Variants in SEC14L1 observed in about 807,000 individuals in gnomAD.
SEC14L1 encodes SEC14-like protein 1.
A neutral mutation model predicts 85.3 loss-of-function variants in SEC14L1; 48 were observed. That is an observed-to-expected ratio of 0.56 (90% CI 0.45 to 0.72). The LOEUF is 0.72. SEC14L1 is among the 30% of genes least tolerant of loss of function. The probability of loss-of-function intolerance (pLI) is 0.00; values close to 1 mark genes in which losing one functional copy is unlikely to be tolerated. For synonymous variants in SEC14L1, 391 were observed against 355.5 expected (o/e 1.10, Z -1.12); for missense variants, 682 against 921.4 (o/e 0.74, Z 3.36).
At position 77,194,816 on chromosome 17, in the gene SEC14L1, C is replaced by A. The variant is rs775566630; in HGVS notation, c.614C>A (p.Ala205Asp). 1.2e-6 allele frequency: 2 copies of A among 1,614,100 alleles called. No individual in the cohort carries two copies. The highest frequency in any genetic ancestry group is 1.7e-6 in the Non-Finnish European group (2 of 1,180,042). The change falls in exon 7 of 17, where the codon GCC becomes GAC. Residue 205 changes from alanine (A) to aspartate (D), a missense_variant. By Grantham distance (126) the Ala-to-Asp change is moderately radical. This residue lies in a region of SEC14L1 where 123 missense variants were observed against 100.6 expected (regional missense o/e 1.22). Coordinates refer to ENST00000436233, the MANE Select transcript of SEC14L1 (RefSeq NM_001143998.2). ...TCCAAGAAACAAGCAGCGTCCATGG[C>A]CGTCGTCATCCCAGAAGCTGCCCTC... ...SSSKKQAASM[A>D]VVIPEAALKE... is the part of the protein sequence containing the mutation.
At chr17:77,145,401 C>T (rs1355958867) in intron 3 of SEC14L1, among the ~76,000 whole-genome samples, 2 of 152,096 alleles carry the variant, frequency 1.3e-5, no homozygotes, top group Admixed American at 6.5e-5. Flanking sequence ...TTGAATCCAT[C>T]CCCCTGGTGA....
rs1450243922 is a variant in SEC14L1, at chr17:77,212,041, A to G, written c.1703A>G (p.Lys568Arg). The G allele has an allele frequency of 3.7e-6, 6 of 1,614,156 alleles. No individual in the cohort carries two copies. The highest frequency in any genetic ancestry group is 2.7e-5 in the African/African-American group (2 of 75,040). ...GDIVFNIYHSKRSPQPPKKDS... is the reference protein window; with the variant it reads ...GDIVFNIYHSRRSPQPPKKDS... Reference sequence around the variant, plus strand: ...ATTGTGTTTAACATCTATCACTCCAAGAGGTCGCCACAACCACCCAAAAAG... The same window carrying G: ...ATTGTGTTTAACATCTATCACTCCAGGAGGTCGCCACAACCACCCAAAAAG... The change falls in exon 15 of 17, where the codon AAG becomes AGG. Residue 568 changes from lysine to arginine, a missense_variant. Coordinates refer to ENST00000436233, the MANE Select transcript of SEC14L1 (RefSeq NM_001143998.2).
upstream of SEC14L1, among the ~76,000 whole-genome samples, chr17:77,139,397 C>T (rs1456225418): frequency 6.6e-6 from 1 of 152,028 alleles, no homozygotes; most frequent in African/African-American, 2.4e-5. Context: ...GTCTCAAACT[C>T]CTGACCTCAG....
intron 3 of SEC14L1, among the ~76,000 whole-genome samples, chr17:77,108,482 A>C (rs1386765134): frequency 6.6e-6 from 1 of 152,142 alleles, no homozygotes; most frequent in Non-Finnish European, 1.5e-5. Flanking sequence ...TCACGCCTGT[A>C]ATCCCAGCAC....
intron 3 of SEC14L1, among the ~76,000 whole-genome samples, chr17:77,134,251 CTT>C (rs35681333): frequency 1.5e-4 from 21 of 142,250 alleles, no homozygotes; most frequent in East Asian, 2.1e-4. Context: ...CACACACACA[CTT>C]TTTTTTTTTT....
chr17:77,213,231 TC>T lies in SEC14L1; in HGVS notation c.1864-79del. ...TAGCTACATGAAATCCTAAAGACAG[TC>T]CCCTTGGCGCTTGTCAGGCCTGTGG... On this transcript the variant is annotated intron_variant, in intron 15 of 16. Transcript: ENST00000436233. This position sits in a 1 kb window ranked among gnomAD's most constrained non-coding sequence, Gnocchi z 7.1. 8.5e-7 allele frequency: 1 copy of T among 1,171,200 alleles called. No homozygotes were observed. The highest frequency in any genetic ancestry group is 1.5e-5 in the South Asian group (1 of 66,228). The allele number at this position is 1,171,200 out of a possible 1,614,324, so 72.6% of individuals were successfully genotyped here. A position where few individuals can be genotyped will look rare whatever the true frequency, so the allele number is the denominator to read the frequency against.
chr17:77,090,506 A>T (rs947403641), intron 2 of SEC14L1, among the ~76,000 whole-genome samples: 3 of 48,478 alleles, frequency 6.2e-5, no homozygotes, highest in Non-Finnish European at 7.3e-5. Context: ...TTTAATTATT[A>T]AAAAAAAAAA....
Position 77,104,148 on chromosome 17 carries a change from T to C in SEC14L1, c.-136+10801T>C, listed in dbSNP as rs183862435. Among the ~76,000 whole-genome samples the C allele has an allele frequency of 7.5e-3, 1,055 of 141,006 alleles. 15 individuals carry two copies. Among genetic ancestry groups the C allele is most frequent in the African/African-American group, 0.027 (1,003 of 37,368 alleles). 92.5% of individuals were successfully genotyped at this position (141,006 alleles called of 152,430 possible). ...TTTTTTTTTTTTTTTTGAGACAGAG[T>C]CTCCTCTGTCACCCAGGCTAGAGTG... On this transcript the variant is annotated intron_variant, in intron 3 of 19. Transcript: ENST00000392476.
chr17:77,128,841 T>C (rs1304793801), intron 3 of SEC14L1, among the ~76,000 whole-genome samples: 1 of 152,044 alleles, frequency 6.6e-6, no homozygotes, highest in Non-Finnish European at 1.5e-5. Context: ...GATGACCATC[T>C]CCCCATGCAC....
At position 77,215,475 on chromosome 17, in the gene SEC14L1, T is replaced by C; in HGVS notation, c.*1452T>C. ...TCAGCTCCGCTCTGAAGGCACTGTG[T>C]GGGTGCTGCGTGACTGGAGAGCTGT... On this transcript the variant is annotated 3_prime_UTR_variant, in exon 17 of 17. Transcript: ENST00000436233. 4.1e-6 allele frequency: 4 copies of C among 985,640 alleles called. No homozygotes were observed. The highest frequency in any genetic ancestry group is 4.8e-6 in the Non-Finnish European group (4 of 830,124). The allele number at this position is 985,640 out of a possible 1,614,324, so 61.1% of individuals were successfully genotyped here. A position where few individuals can be genotyped will look rare whatever the true frequency, so the allele number is the denominator to read the frequency against.
intron 3 of SEC14L1, among the ~76,000 whole-genome samples, chr17:77,111,512 G>C (rs991329592): frequency 6.6e-6 from 1 of 152,030 alleles, no homozygotes; most frequent in Non-Finnish European, 1.5e-5. Context: ...CGGGAGGGGG[G>C]CTGAACCCCA....
intron 3 of SEC14L1, among the ~76,000 whole-genome samples, chr17:77,135,895 CA>C (rs1286997239): frequency 3.3e-5 from 5 of 150,610 alleles, no homozygotes; most frequent in African/African-American, 2.5e-5. Context: ...TTTTTTGAAA[CA>C]GAGTTTCGCT....
rs565726658 is a variant in SEC14L1 at position 77,214,281 on chromosome 17, C to G, written c.*258C>G. Reference sequence around the variant, plus strand: ...AATCCAACCAGAGCGCAAGGGCTCTCTTGAAAGAAAAGTAGTTTCTGTACC... The same window carrying G: ...AATCCAACCAGAGCGCAAGGGCTCTGTTGAAAGAAAAGTAGTTTCTGTACC... On this transcript the variant is annotated 3_prime_UTR_variant, in exon 17 of 17. Transcript: ENST00000436233. 1.4e-5 allele frequency: 18 copies of G among 1,269,420 alleles called. No individual in the cohort carries two copies. The highest frequency in any genetic ancestry group is 1.7e-5 in the Non-Finnish European group (17 of 1,005,766). The allele number at this position is 1,269,420 out of a possible 1,614,324, so 78.6% of individuals were successfully genotyped here.
intron 3 of SEC14L1, among the ~76,000 whole-genome samples, chr17:77,100,321 C>T (rs1183140579): frequency 6.6e-6 from 1 of 152,108 alleles, no homozygotes; most frequent in Non-Finnish European, 1.5e-5. Context: ...AAGGTGCCTA[C>T]CGCCCTGCGC....
chr17:77,173,033 A>G (rs529945219), intron 3 of SEC14L1, among the ~76,000 whole-genome samples: 3 of 152,268 alleles, frequency 2.0e-5, no homozygotes, highest in Admixed American at 6.5e-5. Flanking sequence ...AATACCTAGG[A>G]TAGACATTAG....
intron 3 of SEC14L1, among the ~76,000 whole-genome samples, chr17:77,117,493 C>A (rs1374383537): frequency 6.6e-6 from 1 of 152,170 alleles, no homozygotes; most frequent in African/African-American, 2.4e-5. Flanking sequence ...TCTCACAGGC[C>A]AAATGAATGT....
At chr17:77,198,597 C>T (rs1394997511) in intron 8 of SEC14L1, among the ~76,000 whole-genome samples, 2 of 145,904 alleles carry the variant, frequency 1.4e-5, no homozygotes, top group African/African-American at 5.1e-5. Context: ...TTTTTTGAGA[C>T]GGAGTCTCGC....
intron 3 of SEC14L1, among the ~76,000 whole-genome samples, chr17:77,160,656 T>C (rs1974015608): frequency 6.6e-6 from 1 of 152,252 alleles, no homozygotes; most frequent in Non-Finnish European, 1.5e-5. Context: ...TTTAAAGATG[T>C]GTATACCTCC....
chr17:77,163,491 T>C (rs1393424170), intron 3 of SEC14L1, among the ~76,000 whole-genome samples: 2 of 152,184 alleles, frequency 1.3e-5, no homozygotes, highest in East Asian at 3.8e-4. Flanking sequence ...TCTCCTCCTC[T>C]TCCCTCCTCT....
Sources: gnomAD v4.1 joint callset for allele counts (sites outside exome capture counted in the v4.1 genomes callset) on GRCh38, gnomAD v4.1.1 for gene constraint, gnomAD v4.1.1 regional missense constraint, Gnocchi (gnomAD v3.1) non-coding constraint, MANE v1.5 for transcripts, NCBI Gene and HGNC (gene_info 2026-07-23, HGNC 2026-07-21) for gene names.